Variants in ZBTB2 observed in about 807,000 individuals in gnomAD.
The protein encoded by ZBTB2 is zinc finger and BTB domain containing 2, also known as zinc finger and BTB domain-containing protein 2.
ZBTB2 carries 2 observed loss-of-function variants against 39.5 expected under a neutral mutation model. The ratio of observed to expected loss-of-function variants is 0.05; its 90% CI spans 0.02 to 0.16. The LOEUF is 0.16. Among genes scored for constraint, ZBTB2 ranks in the 10% least tolerant of loss-of-function variants. The pLI is 1.00. For synonymous variants in ZBTB2, 251 were observed against 256.6 expected (o/e 0.98, Z 0.21); for missense variants, 391 against 653.0 (o/e 0.60, Z 4.37).
At chr6:151,375,788 C>T (rs1778894971) in intron 1 of ZBTB2, among the ~76,000 whole-genome samples, 1 of 152,070 alleles carries the variant, frequency 6.6e-6, no homozygotes, top group Non-Finnish European at 1.5e-5. Context: ...ATGCTGGCCT[C>T]GAACTCCTGA....
chr6:151,390,988 C>T (rs1038648435), intron 1 of ZBTB2, among the ~76,000 whole-genome samples: 17 of 150,130 alleles, frequency 1.1e-4, no homozygotes, highest in African/African-American at 3.9e-4. Context: ...CACGGGGAAC[C>T]GAACGCGAAT....
At chr6:151,390,693 G>T (rs1251916213) in intron 1 of ZBTB2, among the ~76,000 whole-genome samples, 1 of 151,714 alleles carries the variant, frequency 6.6e-6, no homozygotes, top group East Asian at 2.0e-4. Context: ...GCAGCTGTAG[G>T]AGCCGCTGCA....
intron 1 of ZBTB2, among the ~76,000 whole-genome samples, chr6:151,390,146 G>A (rs1411386501): frequency 3.3e-5 from 5 of 152,102 alleles, no homozygotes; most frequent in Admixed American, 2.0e-4. Context: ...GGAGGCCGCC[G>A]GCTCAACACG....
Position 151,373,843 on chromosome 6 carries a change from T to TAAAAAAAAAAAAAAAAAAA in ZBTB2, c.-12-213_-12-195dup, listed in dbSNP as rs200070063. Among the ~76,000 whole-genome samples the TAAAAAAAAAAAAAAAAAAA allele has an allele frequency of 8.7e-5, 4 of 45,996 alleles. 1 individual carries two copies. The highest frequency in any genetic ancestry group is 1.9e-4 in the African/African-American group (3 of 15,942). The allele number at this position is 45,996 out of a possible 152,430, so 30.2% of individuals were successfully genotyped here. On this transcript the variant is annotated intron_variant, in intron 1 of 2. Coordinates refer to ENST00000325144, the MANE Select transcript of ZBTB2 (RefSeq NM_020861.3). ...TGAAGTAGTTATGTCATTATGCCTT[T>TAAAAAAAAAAAAAAAAAAA]AAAAAAAAAAAAAAAAAAAAAAAAA...
At chr6:151,373,843 TAAAAAAAAAAAA>T (rs200070063) in intron 1 of ZBTB2, among the ~76,000 whole-genome samples, 194 bp from the exon 2 acceptor site, 7 of 45,996 alleles carry the variant, frequency 1.5e-4, no homozygotes, top group South Asian at 1.0e-3. Context: ...ATTATGCCTT[TAAAAAAAAAAAA>T]AAAAAAAAAA....
Position 151,370,420 on chromosome 6 carries a change from C to A in ZBTB2, c.173+3045G>T, listed in dbSNP as rs548394642. Among the ~76,000 whole-genome samples the A allele has an allele frequency of 4.6e-5, 7 of 152,330 alleles. No individual in the cohort carries two copies. The East Asian group carries it at 9.6e-4, about 21-fold the overall frequency. ...ACAGCTATAAGCCCTTTCGTATAAA[C>A]TTCCATAGTAATTTCCGTTTTCAAT... On this transcript the variant is annotated intron_variant, in intron 2 of 2. Transcript: ENST00000325144.
At chr6:151,382,134 T>C (rs1779046651) in intron 1 of ZBTB2, among the ~76,000 whole-genome samples, 1 of 152,224 alleles carries the variant, frequency 6.6e-6, no homozygotes, top group South Asian at 2.1e-4. Context: ...TCTAAACAGC[T>C]AAACACAAAA....
Position 151,365,414 on chromosome 6 carries a change from A to G in ZBTB2, c.*107T>C. ...GAAAAGGGGAAGAGGAGAAGAGAAC[A>G]AGGACCTGTTTGTATCATGCCATGG... On this transcript the variant is annotated 3_prime_UTR_variant, in exon 3 of 3. Coordinates refer to ENST00000325144, the MANE Select transcript of ZBTB2 (RefSeq NM_020861.3). The surrounding 1 kb of genome is among the most constrained non-coding windows in gnomAD (Gnocchi z 5.6). 4.6e-6 allele frequency: 6 copies of G among 1,311,462 alleles called. No homozygotes were observed. The highest frequency in any genetic ancestry group is 6.3e-6 in the Non-Finnish European group (6 of 951,898). 81.2% of individuals were successfully genotyped at this position (1,311,462 alleles called of 1,614,324 possible).
chr6:151,370,413 G>A (rs1201977123), intron 2 of ZBTB2, among the ~76,000 whole-genome samples: 1 of 152,168 alleles, frequency 6.6e-6, no homozygotes, highest in African/African-American at 2.4e-5. Flanking sequence ...AAGCCCTTTC[G>A]TATAAACTTC....
intron 1 of ZBTB2, among the ~76,000 whole-genome samples, chr6:151,389,275 A>G (rs1482095448): frequency 2.0e-5 from 3 of 152,198 alleles, no homozygotes; most frequent in Admixed American, 1.3e-4. Flanking sequence ...AGGAAAAAAG[A>G]AAAAAGAAAA....
intron 1 of ZBTB2, among the ~76,000 whole-genome samples, chr6:151,381,336 C>T (rs552499547): frequency 4.6e-5 from 7 of 152,030 alleles, no homozygotes; most frequent in Non-Finnish European, 8.8e-5. Flanking sequence ...GCCTGGCCAA[C>T]ATGGTGAAAC....
chr6:151,375,974 G>GTCTT (rs1778900163), intron 1 of ZBTB2, among the ~76,000 whole-genome samples: 1 of 150,594 alleles, frequency 6.6e-6, no homozygotes, highest in Non-Finnish European at 1.5e-5. Context: ...TATTGGCAGA[G>GTCTT]GGACAGAGAA....
chr6:151,368,285 T>C (rs942292133), intron 2 of ZBTB2, among the ~76,000 whole-genome samples: 3 of 152,070 alleles, frequency 2.0e-5, no homozygotes, highest in African/African-American at 7.2e-5. Flanking sequence ...TAGCTGGGAC[T>C]ACAGGTGTCC....
chr6:151,373,304 G>A (rs1778827316), intron 2 of ZBTB2, among the ~76,000 whole-genome samples, 161 bp downstream of exon 2: 1 of 151,632 alleles, frequency 6.6e-6, no homozygotes, highest in Admixed American at 6.6e-5. Context: ...GCTACTGAAA[G>A]CACCTGTAAC....
chr6:151,371,422 G>C (rs968868302), intron 2 of ZBTB2, among the ~76,000 whole-genome samples: 2 of 152,204 alleles, frequency 1.3e-5, no homozygotes, highest in Non-Finnish European at 2.9e-5. Context: ...TGAGCCATAA[G>C]CGAGGACGTG....
intron 1 of ZBTB2, among the ~76,000 whole-genome samples, chr6:151,382,046 A>G (rs1250008402): frequency 6.6e-6 from 1 of 152,186 alleles, no homozygotes; most frequent in African/African-American, 2.4e-5. Flanking sequence ...ATGGTAATCT[A>G]CTGCTCCTAG....
chr6:151,375,711 C>T (rs1227631876), intron 1 of ZBTB2, among the ~76,000 whole-genome samples: 3 of 152,054 alleles, frequency 2.0e-5, no homozygotes, highest in Non-Finnish European at 2.9e-5. Context: ...GGCACAGGCA[C>T]GCACCACCAA....
intron 1 of ZBTB2, among the ~76,000 whole-genome samples, chr6:151,389,891 T>G (rs1014437880): frequency 5.3e-5 from 8 of 152,084 alleles, no homozygotes; most frequent in African/African-American, 1.7e-4. Context: ...AAACCCAGCT[T>G]CCTTTGCAGC....
chr6:151,373,708 T>TATAGTCACCAACA, intron 1 of ZBTB2, 59 bp from the exon 2 acceptor site: 11 of 1,492,218 alleles, frequency 7.4e-6, no homozygotes, highest in Non-Finnish European at 1.0e-5. Context: ...ATGTGTCCTT[T>TATAGTCACCAACA]ATAGTCACCA....
Sources: gnomAD v4.1 joint callset for allele counts (sites outside exome capture counted in the v4.1 genomes callset) on GRCh38, gnomAD v4.1.1 for gene constraint, Gnocchi (gnomAD v3.1) non-coding constraint, MANE v1.5 for transcripts, NCBI Gene and HGNC (gene_info 2026-07-23, HGNC 2026-07-21) for gene names.